Variants in CAST observed in about 807,000 individuals in gnomAD.
CAST encodes MIR583 host.
In CAST, 76 loss-of-function variants were observed where a neutral mutation model predicts 119.6. The ratio of observed to expected loss-of-function variants is 0.64; its 90% CI spans 0.53 to 0.77. The LOEUF is 0.77. CAST is among the 30% of genes least tolerant of loss of function. The pLI is 0.00. For missense variants in CAST, 953 were observed against 946.5 expected (o/e 1.01, Z -0.09); for synonymous variants, 319 against 331.6 (o/e 0.96, Z 0.41).
the CAST span, among the ~76,000 whole-genome samples, chr5:96,281,842 C>T: frequency 1.9e-4 from 29 of 152,206 alleles, no homozygotes; most frequent in African/African-American, 7.0e-4. Flanking sequence ...TTGTGTAAGA[C>T]CATTTGCCTA....
At chr5:96,716,092 T>G (rs1024935700) in intron 3 of CAST, among the ~76,000 whole-genome samples, 1 of 152,226 alleles carries the variant, frequency 6.6e-6, no homozygotes, top group East Asian at 1.9e-4. Flanking sequence ...AACAGACATC[T>G]GAATATTCAT....
intron 1 of CAST, among the ~76,000 whole-genome samples, chr5:96,635,481 G>A (rs942516577): frequency 6.6e-6 from 1 of 152,190 alleles, no homozygotes; most frequent in Non-Finnish European, 1.5e-5. Flanking sequence ...ATCTCTCTGG[G>A]TTGAGGCAGG....
At chr5:96,285,613 A>G in the CAST span, among the ~76,000 whole-genome samples, 41 of 152,330 alleles carry the variant, frequency 2.7e-4, no homozygotes, top group African/African-American at 8.7e-4. Context: ...AACTTAAATC[A>G]GTGTCAGAAA....
At chr5:96,424,877 C>T in the CAST span, among the ~76,000 whole-genome samples, 1 of 151,190 alleles carries the variant, frequency 6.6e-6, no homozygotes, top group Non-Finnish European at 1.5e-5. Context: ...GCAGGAGAAT[C>T]GCTTGAAGCC....
At position 96,741,550 on chromosome 5, in the gene CAST, AC is replaced by A. The variant is rs1228792616; in HGVS notation, c.1072del (p.Gln358LysfsTer12). 1 of 1,613,600 alleles carries A rather than the reference AC, an allele frequency of 6.2e-7. No individual in the cohort carries two copies. The highest frequency in any genetic ancestry group is 8.5e-7 in the Non-Finnish European group (1 of 1,179,534). On this transcript the variant is annotated frameshift_variant, in exon 15 of 32. Coordinates refer to ENST00000675179, the MANE Select transcript of CAST (RefSeq NM_001750.7). LOFTEE classifies it high-confidence loss of function. Reference sequence around the variant, plus strand: ...CAGGGACAGTCAGAAGTGCTGCTCCACCCCAAGAGAAGAAAAGAAAGGTGGA... The same window carrying A: ...CAGGGACAGTCAGAAGTGCTGCTCCACCCAAGAGAAGAAAAGAAAGGTGGA... ...SAGTVRSAAP[P>X]QEKKRKVEKD...
the CAST span, among the ~76,000 whole-genome samples, chr5:96,133,709 G>A: frequency 6.6e-6 from 1 of 152,116 alleles, no homozygotes; most frequent in Non-Finnish European, 1.5e-5. Context: ...AATGGTCTAG[G>A]CAAGTGTTTA....
chr5:96,012,020 A>T, the CAST span, among the ~76,000 whole-genome samples: 1 of 152,194 alleles, frequency 6.6e-6, no homozygotes, highest in Non-Finnish European at 1.5e-5. Flanking sequence ...AGAAAGATTT[A>T]CTTTTTCATT....
intron 2 of CAST, among the ~76,000 whole-genome samples, chr5:96,683,397 A>T (rs1262223098): frequency 6.6e-6 from 1 of 152,220 alleles, no homozygotes; most frequent in Non-Finnish European, 1.5e-5. Flanking sequence ...TTCTAGAGAC[A>T]ATATTTTATA....
chr5:96,048,321 C>T, the CAST span, among the ~76,000 whole-genome samples: 1 of 152,076 alleles, frequency 6.6e-6, no homozygotes, highest in African/African-American at 2.4e-5. Flanking sequence ...TACAGTAATT[C>T]AGCTAAGAGA....
the CAST span, among the ~76,000 whole-genome samples, chr5:96,229,621 A>C: frequency 1.3e-5 from 2 of 152,168 alleles, no homozygotes; most frequent in East Asian, 3.8e-4. Flanking sequence ...TAGTGAATGT[A>C]TAGCTCAACA....
chr5:96,412,750 A>ATGTTTTTTTTTTTTTGTTTTTT, the CAST span, among the ~76,000 whole-genome samples: 1 of 63,388 alleles, frequency 1.6e-5, no homozygotes, highest in African/African-American at 7.9e-5. Flanking sequence ...GGCAGCTGTG[A>ATGTTTTTTTTTTTTTGTTTTTT]TGTTTTTTTT....
the CAST span, among the ~76,000 whole-genome samples, chr5:96,065,673 A>G: frequency 6.6e-6 from 1 of 152,156 alleles, no homozygotes; most frequent in Admixed American, 6.6e-5. Context: ...TGGTATACAA[A>G]GTGGGTTGTC....
chr5:96,696,020 T>A (rs1323275641), intron 3 of CAST, 113 bp downstream of exon 3: 1 of 535,546 alleles, frequency 1.9e-6, no homozygotes, highest in Non-Finnish European at 3.4e-6. Context: ...GAAGGTTTTT[T>A]AACAAAGTAT....
chr5:96,273,617 G>A, the CAST span, among the ~76,000 whole-genome samples: 7 of 152,138 alleles, frequency 4.6e-5, no homozygotes, highest in Non-Finnish European at 7.4e-5. Context: ...TATACTTTCA[G>A]GCATGTAAGA....
intron 1 of CAST, among the ~76,000 whole-genome samples, chr5:96,629,092 A>C (rs1373451482): frequency 1.3e-5 from 2 of 151,844 alleles, no homozygotes; most frequent in Non-Finnish European, 2.9e-5. Flanking sequence ...AACCCGATAC[A>C]ACAGTGTTTG....
the CAST span, among the ~76,000 whole-genome samples, chr5:96,327,560 A>G: frequency 6.6e-6 from 1 of 152,260 alleles, no homozygotes; most frequent in Non-Finnish European, 1.5e-5. Context: ...TGAAAACGGC[A>G]GAGTGACCCC....
At chr5:96,344,217 G>C in the CAST span, among the ~76,000 whole-genome samples, 24 of 152,298 alleles carry the variant, frequency 1.6e-4, 1 homozygote, top group Middle Eastern at 6.8e-3. Context: ...ATAGTTTCTA[G>C]TGATGAGTCT....
the CAST span, among the ~76,000 whole-genome samples, chr5:96,115,753 A>T: frequency 6.6e-6 from 1 of 152,134 alleles, no homozygotes; most frequent in Non-Finnish European, 1.5e-5. Flanking sequence ...TGTCTTATTG[A>T]CCTAAAACAA....
chr5:96,328,536 C>T, the CAST span, among the ~76,000 whole-genome samples: 2 of 151,896 alleles, frequency 1.3e-5, no homozygotes, highest in Non-Finnish European at 2.9e-5. Context: ...AGATTCGGTG[C>T]CAGTTATTTT....
Sources: gnomAD v4.1 joint callset for allele counts (sites outside exome capture counted in the v4.1 genomes callset) on GRCh38, gnomAD v4.1.1 for gene constraint, MANE v1.5 for transcripts, NCBI Gene and HGNC (gene_info 2026-07-23, HGNC 2026-07-21) for gene names.